FREM3: variants seen among roughly 807,000 people sequenced by gnomAD.
FREM3 encodes FRAS1-related extracellular matrix protein 3.
In FREM3, 105 loss-of-function variants were observed where a neutral mutation model predicts 129.1. That is an observed-to-expected ratio of 0.81 (90% CI 0.69 to 0.96). The LOEUF is 0.96. Among genes scored for constraint, FREM3 ranks in the 40% least tolerant of loss-of-function variants. The pLI is 0.00. For missense variants in FREM3, 2,593 were observed against 2,666.3 expected, an observed-to-expected ratio of 0.97 and a Z score of 0.61; for synonymous variants, 1,014 against 1,044.9, an observed-to-expected ratio of 0.97 and a Z score of 0.57.
intron 2 of FREM3, among the ~76,000 whole-genome samples, chr4:143,669,058 A>G (rs962564509): frequency 1.3e-5 from 2 of 152,180 alleles, no homozygotes; most frequent in African/African-American, 2.4e-5. Context: ...TCATTTACGT[A>G]TTGAAACAGT....
At chr4:143,601,778 G>A (rs761943320) in intron 6 of FREM3, 25 of 152,020 alleles carry the variant, frequency 1.6e-4, no homozygotes, top group Admixed American at 3.9e-4. Flanking sequence ...CCTGGCCTGG[G>A]GTAATCTTAG....
intron 6 of FREM3, 85 bp from the exon 7 acceptor site, chr4:143,586,078 T>C (rs890877424): frequency 1.0e-5 from 13 of 1,291,234 alleles, no homozygotes; most frequent in Non-Finnish European, 1.4e-5. Context: ...GCCTGGGCAT[T>C]TGTCATAATT....
At chr4:143,674,341 TGAG>T (rs749101803) in intron 2 of FREM3, among the ~76,000 whole-genome samples, 2 of 152,182 alleles carry the variant, frequency 1.3e-5, no homozygotes, top group African/African-American at 2.4e-5. Flanking sequence ...AAGCAACTGC[TGAG>T]AGATTTTGTC....
chr4:143,698,192 C>T lies in FREM3; in HGVS notation c.2484G>A (p.Gln828=), dbSNP rs1034523122. 1 of 1,537,450 alleles carries T rather than the reference C, an allele frequency of 6.5e-7. No homozygotes were observed. The highest frequency in any genetic ancestry group is 1.4e-5 in the African/African-American group (1 of 73,190). The change falls in exon 1 of 8, where the codon CAG becomes CAA. Residue 828 remains glutamine, a synonymous_variant. Coordinates refer to ENST00000329798, the MANE Select transcript of FREM3 (RefSeq NM_001168235.2). ...AGCCTCTGTTGGTGACTTCTGGGGGCTGGTTGTCCACAGGTTGCAGGAATA... is the reference window on the plus strand; with the variant it reads ...AGCCTCTGTTGGTGACTTCTGGGGGTTGGTTGTCCACAGGTTGCAGGAATA... ...FTLFLQPVDN[Q]PPEVTNRGFA...
intron 6 of FREM3, among the ~76,000 whole-genome samples, chr4:143,600,145 G>A (rs1738547553): frequency 6.6e-6 from 1 of 152,110 alleles, no homozygotes; most frequent in African/African-American, 2.4e-5. Context: ...ATCTGACAGT[G>A]GCTAGCATAA....
intron 2 of FREM3, among the ~76,000 whole-genome samples, chr4:143,660,787 A>G (rs1739700026): frequency 6.6e-6 from 1 of 152,038 alleles, no homozygotes; most frequent in African/African-American, 2.4e-5. Context: ...TTCTCCTTGA[A>G]GAGGTCCTTC....
chr4:143,583,783 C>T (rs558947417), intron 7 of FREM3, among the ~76,000 whole-genome samples: 5 of 152,096 alleles, frequency 3.3e-5, no homozygotes, highest in Non-Finnish European at 7.4e-5. Flanking sequence ...ACCACCAGAC[C>T]TGCCTTACAA....
rs1339488101 is a variant in FREM3 at position 143,697,844 on chromosome 4, C to T, written c.2832G>A (p.Arg944=). 5.2e-6 allele frequency: 8 copies of T among 1,537,708 alleles called. No homozygotes were observed. In the Admixed American group the frequency reaches 7.8e-5, roughly 15 times the overall value. ...VHPNVANRSP[R]ISLRSSSLLD... The stretch of plus-strand genomic sequence containing the variant: ...ATAATGAACTACTTCTGAGAGAGAT[C>T]CTAGGACTTCTGTTAGCCACATTGG... The change falls in exon 1 of 8, where the codon AGG becomes AGA. Residue 944 remains arginine (R), a synonymous_variant. Transcript: ENST00000329798.
At position 143,699,058 on chromosome 4, in the gene FREM3, C is replaced by T. The variant is rs775210394; in HGVS notation, c.1618G>A (p.Asp540Asn). The T allele has an allele frequency of 1.3e-5, 20 of 1,537,336 alleles. 1 individual carries two copies. The South Asian group carries it at 2.3e-4, about 17-fold the overall frequency. Residue 540 changes from aspartate to asparagine, a missense_variant, in exon 1 of 8, where the codon GAT becomes AAT. By Grantham distance (23) the Asp-to-Asn change is conservative. Coordinates refer to ENST00000329798, the MANE Select transcript of FREM3 (RefSeq NM_001168235.2). This position sits in a 1 kb window ranked among gnomAD's most constrained non-coding sequence, Gnocchi z 4.2. Reference protein sequence around the residue: ...FLFPLTILPVDDEPPMVNTNT... With the variant: ...FLFPLTILPVNDEPPMVNTNT... ...GTATTGACCATTGGTGGTTCATCATCCACAGGTAGGATGGTGAGGGGAAAG... is the reference window on the plus strand; with the variant it reads ...GTATTGACCATTGGTGGTTCATCATTCACAGGTAGGATGGTGAGGGGAAAG...
intron 2 of FREM3, among the ~76,000 whole-genome samples, chr4:143,647,815 G>C (rs1739445177): frequency 6.6e-6 from 1 of 152,202 alleles, no homozygotes; most frequent in African/African-American, 2.4e-5. Flanking sequence ...GGGCAGTGCA[G>C]AAGGGAAATG....
intron 2 of FREM3, among the ~76,000 whole-genome samples, chr4:143,662,807 T>C (rs1739763107): frequency 6.6e-6 from 1 of 152,056 alleles, no homozygotes; most frequent in African/African-American, 2.4e-5. Flanking sequence ...TTAGCTCTTC[T>C]TGTTGAATTG....
At chr4:143,639,685 C>T (rs1739288450) in intron 2 of FREM3, among the ~76,000 whole-genome samples, 1 of 152,106 alleles carries the variant, frequency 6.6e-6, no homozygotes, top group Admixed American at 6.6e-5. Context: ...GGTGAATTCC[C>T]TAGAAGGCAT....
chr4:143,688,657 G>T (rs190195854), intron 2 of FREM3, among the ~76,000 whole-genome samples: 19 of 152,258 alleles, frequency 1.2e-4, no homozygotes, highest in Admixed American at 2.6e-4. Context: ...ATACGGCGTG[G>T]TACTGGTACA....
At chr4:143,592,375 G>A (rs1253185912) in intron 6 of FREM3, among the ~76,000 whole-genome samples, 1 of 151,198 alleles carries the variant, frequency 6.6e-6, no homozygotes, top group Non-Finnish European at 1.5e-5. Flanking sequence ...GCAGTGGCTG[G>A]TACTGGTTGT....
intron 2 of FREM3, among the ~76,000 whole-genome samples, chr4:143,676,471 A>G (rs1361951464): frequency 6.6e-6 from 1 of 152,210 alleles, no homozygotes; most frequent in Non-Finnish European, 1.5e-5. Context: ...ATTCCCTTTG[A>G]AAACTGGCAC....
At chr4:143,639,186 A>G (rs1739280594) in intron 2 of FREM3, among the ~76,000 whole-genome samples, 1 of 152,126 alleles carries the variant, frequency 6.6e-6, no homozygotes, top group South Asian at 2.1e-4. Flanking sequence ...ATAGAAGGAG[A>G]TAGTATTTGG....
At chr4:143,660,181 G>A (rs886697845) in intron 2 of FREM3, among the ~76,000 whole-genome samples, 2 of 148,750 alleles carry the variant, frequency 1.3e-5, no homozygotes, top group Non-Finnish European at 2.9e-5. Context: ...GAATGGTAAT[G>A]CCTAGGTTTT....
rs1049531233 is a variant in FREM3 at position 143,698,107 on chromosome 4, G to C, written c.2569C>G (p.Pro857Ala). The C allele has an allele frequency of 4.6e-6, 7 of 1,537,238 alleles. No homozygotes were observed. In the African/African-American group the frequency reaches 6.8e-5, roughly 15 times the overall value. ...LSSNELHVTD[P>A]DTDIDQIVFI... The stretch of plus-strand genomic sequence containing the variant: ...ACAATTTGGTCAATGTCTGTGTCTG[G>C]GTCTGTAACATGCAGCTCATTACTG... The change falls in exon 1 of 8, where the codon CCA becomes GCA. Residue 857 changes from proline to alanine, a missense_variant. Coordinates refer to ENST00000329798, the MANE Select transcript of FREM3 (RefSeq NM_001168235.2).
At chr4:143,659,544 G>C (rs1181373983) in intron 2 of FREM3, among the ~76,000 whole-genome samples, 2 of 151,204 alleles carry the variant, frequency 1.3e-5, no homozygotes, top group South Asian at 4.2e-4. Flanking sequence ...ATAAACATAC[G>C]TGTGCATGTG....
Sources: gnomAD v4.1 joint callset for allele counts (sites outside exome capture counted in the v4.1 genomes callset) on GRCh38, gnomAD v4.1.1 for gene constraint, Gnocchi (gnomAD v3.1) non-coding constraint, MANE v1.5 for transcripts, NCBI Gene and HGNC (gene_info 2026-07-23, HGNC 2026-07-21) for gene names.